SMIM21: variants seen among roughly 807,000 people sequenced by gnomAD.
The protein encoded by SMIM21 is chromosome 18 open reading frame 62.
Under a neutral mutation model 8.6 loss-of-function variants are expected in SMIM21, and 8 were observed. The observed-to-expected ratio is 0.93, with a 90% CI of 0.55 to 1.68. The LOEUF is 1.68. SMIM21 is among the 40% of genes most tolerant of loss of function. SMIM21 has a pLI of 0.00. For missense variants in SMIM21, 132 were observed against 123.0 expected, an observed-to-expected ratio of 1.07 and a Z score of -0.35; for synonymous variants, 43 against 41.7, an observed-to-expected ratio of 1.03 and a Z score of -0.12.
rs57293102 is a variant in SMIM21, at chr18:75,427,268, GAGAA to G, written c.129+163_129+166del. Among the ~76,000 whole-genome samples, 746 of 152,304 alleles carry G rather than the reference GAGAA, an allele frequency of 4.9e-3. 3 individuals are homozygous for G. The highest frequency in any genetic ancestry group is 0.017 in the African/African-American group (717 of 41,544). ...TTGGGAGGTTGTCTTGGCCAGAACT[GAGAA>G]AGAAAGAGCTCTGGATTGACGTCTC... On this transcript the variant is annotated intron_variant, in intron 1 of 2. Coordinates refer to ENST00000579022, the MANE Select transcript of SMIM21 (RefSeq NM_001037331.3).
chr18:75,421,106 G>T (rs76737801), intron 1 of SMIM21, among the ~76,000 whole-genome samples: 1 of 152,194 alleles, frequency 6.6e-6, no homozygotes, highest in Non-Finnish European at 1.5e-5. Flanking sequence ...GGTTGATCGC[G>T]AAGCAGTTTT....
chr18:75,418,752 T>TG lies in SMIM21; in HGVS notation c.260+33_260+34insC, dbSNP rs904662475. On this transcript the variant is annotated intron_variant, in intron 2 of 2. Coordinates refer to ENST00000579022, the MANE Select transcript of SMIM21 (RefSeq NM_001037331.3). The stretch of plus-strand genomic sequence containing the variant: ...TACTCACTTTCAAAATATGTAGTAT[T>TG]TTTTTTTAACTGCTAAGGTTATCGT... The TG allele has an allele frequency of 2.1e-5, 30 of 1,427,482 alleles. No individual in the cohort carries two copies. The Admixed American group carries it at 3.0e-4, about 14-fold the overall frequency. The allele number at this position is 1,427,482 out of a possible 1,614,324, so 88.4% of individuals were successfully genotyped here. A position where few individuals can be genotyped will look rare whatever the true frequency, so the allele number is the denominator to read the frequency against.
intron 2 of SMIM21, among the ~76,000 whole-genome samples, chr18:75,412,971 CTATA>C (rs746070300): frequency 5.3e-5 from 8 of 152,142 alleles, no homozygotes; most frequent in Admixed American, 6.5e-5. Context: ...ACCTTTGGGT[CTATA>C]TATAGCCTCT....
At chr18:75,424,135 T>A (rs1157727249) in intron 1 of SMIM21, among the ~76,000 whole-genome samples, 1 of 152,244 alleles carries the variant, frequency 6.6e-6, no homozygotes, top group Non-Finnish European at 1.5e-5. Context: ...TTATGACTTC[T>A]CTGAATGTAC....
chr18:75,421,583 G>A (rs2024709080), intron 1 of SMIM21, among the ~76,000 whole-genome samples: 1 of 152,172 alleles, frequency 6.6e-6, no homozygotes, highest in Non-Finnish European at 1.5e-5. Flanking sequence ...CTCACGTGGA[G>A]CTCTGTGGGG....
chr18:75,410,595 A>G lies in SMIM21; in HGVS notation c.*269T>C, dbSNP rs570878366. The G allele has an allele frequency of 2.9e-6, 2 of 699,162 alleles. No individual in the cohort carries two copies. Among genetic ancestry groups the G allele is most frequent in the South Asian group, 3.2e-5 (1 of 30,954 alleles). 43.3% of individuals were successfully genotyped at this position (699,162 alleles called of 1,614,324 possible). ...TTTGCACTGCTGGATCTGTTTCGAC[A>G]CGCAGGGCAGATTTCGCAGGGTTGG... On this transcript the variant is annotated 3_prime_UTR_variant, in exon 3 of 3. Transcript: ENST00000579022.
At chr18:75,418,115 A>C (rs2024667921) in intron 2 of SMIM21, 1 of 398,224 alleles carries the variant, frequency 2.5e-6, no homozygotes, top group Admixed American at 4.4e-5. Flanking sequence ...CTTTATTTTT[A>C]TTTTTATTTT....
Position 75,410,548 on chromosome 18 carries a change from T to C in SMIM21, c.*316A>G, listed in dbSNP as rs2024572208. On this transcript the variant is annotated 3_prime_UTR_variant, in exon 3 of 3. Transcript: ENST00000579022. ...GCAATTGAAAATATGACTACAGGCT[T>C]GATGTCCTAATGAAGAAGTTCTTTG... is the stretch of plus-strand genomic sequence containing the variant. The C allele has an allele frequency of 4.8e-6, 2 of 415,296 alleles. No individual in the cohort carries two copies. Among genetic ancestry groups the C allele is most frequent in the Non-Finnish European group, 8.3e-6 (2 of 241,408 alleles). The allele number at this position is 415,296 out of a possible 1,614,324, so 25.7% of individuals were successfully genotyped here.
At chr18:75,414,050 G>A (rs2024611999) in intron 2 of SMIM21, among the ~76,000 whole-genome samples, 1 of 148,736 alleles carries the variant, frequency 6.7e-6, no homozygotes, top group South Asian at 2.1e-4. Context: ...GGATGATGAT[G>A]CCTAGGAGTC....
rs77088186 is a variant in SMIM21, at chr18:75,409,711, T to C, written c.*1153A>G. 1 of 152,174 alleles carries C rather than the reference T, an allele frequency of 6.6e-6. No homozygotes were observed. The highest frequency in any genetic ancestry group is 1.5e-5 in the Non-Finnish European group (1 of 68,030). 9.4% of individuals were successfully genotyped at this position (152,174 alleles called of 1,614,324 possible). On this transcript the variant is annotated 3_prime_UTR_variant, in exon 3 of 3. Coordinates refer to ENST00000579022, the MANE Select transcript of SMIM21 (RefSeq NM_001037331.3). Reference sequence around the variant, plus strand: ...TGTAAGAATAGTCTCCATTATAGTATTTTTCTCTGCGACACACAGATGGAG... The same window carrying C: ...TGTAAGAATAGTCTCCATTATAGTACTTTTCTCTGCGACACACAGATGGAG...
At chr18:75,414,100 CACACACACACACACACACACAT>C (rs2024614655) in intron 2 of SMIM21, among the ~76,000 whole-genome samples, 3 of 132,430 alleles carry the variant, frequency 2.3e-5, no homozygotes, top group African/African-American at 7.9e-5. Context: ...CACACACATA[CACACACACACACACACACACAT>C]ACACACACAC....
chr18:75,411,032 C>T, intron 2 of SMIM21, 123 bp from the exon 3 acceptor site: 1 of 1,390,034 alleles, frequency 7.2e-7, no homozygotes, highest in East Asian at 2.5e-5. Flanking sequence ...ATTTTTCCCC[C>T]CAAGATTTTG....
chr18:75,413,502 C>T (rs1026012337), intron 2 of SMIM21, among the ~76,000 whole-genome samples: 2 of 152,206 alleles, frequency 1.3e-5, no homozygotes, highest in Non-Finnish European at 2.9e-5. Context: ...CTTTCCAGAG[C>T]AGAGATCCAA....
rs181811943 is a variant in SMIM21, at chr18:75,422,221, G to A, written c.130-3305C>T. On this transcript the variant is annotated intron_variant, in intron 1 of 2. Transcript: ENST00000579022. The stretch of plus-strand genomic sequence containing the variant: ...GACCCCTTATTCCTGAGACAGGGGC[G>A]CACCATGGAGAGGGATATGGGGAAG... Among the ~76,000 whole-genome samples the A allele has an allele frequency of 4.6e-4, 70 of 152,264 alleles. 1 individual carries two copies. The highest frequency in any genetic ancestry group is 1.2e-3 in the African/African-American group (48 of 41,546).
chr18:75,412,739 C>T (rs1029845556), intron 2 of SMIM21, among the ~76,000 whole-genome samples: 4 of 152,130 alleles, frequency 2.6e-5, no homozygotes, highest in East Asian at 1.9e-4. Context: ...AGAGGCCAGG[C>T]TCTGAGTGCT....
chr18:75,413,931 T>A (rs748299552), intron 2 of SMIM21, among the ~76,000 whole-genome samples: 10 of 152,144 alleles, frequency 6.6e-5, no homozygotes, highest in Non-Finnish European at 1.2e-4. Context: ...TTCAAATGAG[T>A]GCTGTGCCCT....
intron 1 of SMIM21, 63 bp from the exon 2 acceptor site, chr18:75,418,979 A>G (rs2024681586): frequency 2.9e-6 from 3 of 1,032,548 alleles, no homozygotes; most frequent in Admixed American, 1.9e-5. Flanking sequence ...TTCATGCTAC[A>G]AGCAGCTAAC....
At chr18:75,427,142 G>A (rs1468887714) in intron 1 of SMIM21, among the ~76,000 whole-genome samples, 4 of 152,198 alleles carry the variant, frequency 2.6e-5, no homozygotes, top group South Asian at 2.1e-4. Context: ...CTGTAGGGGA[G>A]AGATCATTGA....
chr18:75,418,400 T>G (rs1305362587), intron 2 of SMIM21, among the ~76,000 whole-genome samples: 1 of 152,180 alleles, frequency 6.6e-6, no homozygotes, highest in Non-Finnish European at 1.5e-5. Context: ...CAGGAGGGAT[T>G]CATTATGAAA....
Sources: allele counts gnomAD v4.1 joint callset (sites outside exome capture counted in the v4.1 genomes callset), GRCh38; gene constraint gnomAD v4.1.1; transcripts MANE v1.5; gene names NCBI Gene and HGNC (gene_info 2026-07-23, HGNC 2026-07-21).